Variants in GALNT10 observed in about 807,000 individuals in gnomAD.
The protein encoded by GALNT10 is GalNAc transferase 10.
In GALNT10, 41 loss-of-function variants were observed where a neutral mutation model predicts 75.0. The observed-to-expected ratio is 0.55, with a 90% confidence interval of 0.43 to 0.71. GALNT10 has a LOEUF of 0.71. GALNT10 is among the 30% of genes least tolerant of loss of function. The pLI is 0.00. For synonymous variants in GALNT10, 302 were observed against 313.0 expected, an observed-to-expected ratio of 0.96 and a Z score of 0.37; for missense variants, 727 against 818.5, an observed-to-expected ratio of 0.89 and a Z score of 1.36.
intron 1 of GALNT10, among the ~76,000 whole-genome samples, chr5:154,275,808 T>C (rs1368253256): frequency 6.6e-6 from 1 of 152,164 alleles, no homozygotes; most frequent in South Asian, 2.1e-4. Flanking sequence ...ACTTTTATGA[T>C]CTAGTCATGT....
chr5:154,407,442 T>C (rs1756304386), intron 8 of GALNT10, among the ~76,000 whole-genome samples: 1 of 152,212 alleles, frequency 6.6e-6, no homozygotes, highest in Non-Finnish European at 1.5e-5. Context: ...AATTATGCAA[T>C]ATTAATTAAA....
At chr5:154,283,759 C>T (rs1044612944) in intron 1 of GALNT10, among the ~76,000 whole-genome samples, 3 of 152,196 alleles carry the variant, frequency 2.0e-5, no homozygotes, top group African/African-American at 7.2e-5. Flanking sequence ...CTTGGGGGAC[C>T]TTTGCAAGCA....
chr5:154,331,004 A>C (rs1464504719), intron 4 of GALNT10, among the ~76,000 whole-genome samples: 1 of 151,892 alleles, frequency 6.6e-6, no homozygotes, highest in African/African-American at 2.4e-5. Context: ...AACTCTTGAC[A>C]TACACTCATT....
Position 154,294,863 on chromosome 5 carries a change from G to GA in GALNT10, c.209dup (p.Leu71AlafsTer6). ...AAACGTTTTTCTTGGGAGATGGGCA[G>GA]AAGCTGAAGGACTGGCATGACAAGG... On this transcript the variant is annotated frameshift_variant, in exon 2 of 12. Coordinates refer to ENST00000297107, the MANE Select transcript of GALNT10 (RefSeq NM_198321.4). LOFTEE classifies it high-confidence loss of function. The GA allele has an allele frequency of 6.2e-7, 1 of 1,608,082 alleles. No individual in the cohort carries two copies. The highest frequency in any genetic ancestry group is 8.5e-7 in the Non-Finnish European group (1 of 1,174,494).
At chr5:154,206,677 G>A (rs565226081) in intron 1 of GALNT10, among the ~76,000 whole-genome samples, 14 of 152,334 alleles carry the variant, frequency 9.2e-5, no homozygotes, top group African/African-American at 3.4e-4. Context: ...GGCAGGAAGC[G>A]GGGAGCCTCT....
At chr5:154,207,700 G>A (rs1775132656) in intron 1 of GALNT10, among the ~76,000 whole-genome samples, 1 of 152,180 alleles carries the variant, frequency 6.6e-6, no homozygotes, top group African/African-American at 2.4e-5. Context: ...GGTGGGTAGT[G>A]AAGGGATTCC....
At chr5:154,338,012 A>G in intron 4 of GALNT10, 7 of 1,544,084 alleles carry the variant, frequency 4.5e-6, no homozygotes, top group Non-Finnish European at 6.2e-6. Flanking sequence ...CACTGCCTCG[A>G]TCAGTCATGA....
chr5:154,314,648 AAACCAGCTCCC>A (rs1034588856), intron 3 of GALNT10, among the ~76,000 whole-genome samples: 6 of 151,924 alleles, frequency 3.9e-5, no homozygotes, highest in African/African-American at 1.4e-4. Flanking sequence ...CACAACATAC[AAACCAGCTCCC>A]AACCAGCTCC....
At chr5:154,333,754 C>G (rs1581978623) in intron 4 of GALNT10, among the ~76,000 whole-genome samples, 1 of 152,260 alleles carries the variant, frequency 6.6e-6, no homozygotes, top group East Asian at 1.9e-4. Context: ...ACCGAGGCCC[C>G]CTGATCACTG....
intron 5 of GALNT10, among the ~76,000 whole-genome samples, chr5:154,377,175 G>A (rs1443765493): frequency 1.3e-5 from 2 of 152,196 alleles, no homozygotes; most frequent in Non-Finnish European, 2.9e-5. Flanking sequence ...TGGGAAGACT[G>A]GAGGCTGGGT....
At chr5:154,383,998 C>T (rs1219644380) in intron 6 of GALNT10, among the ~76,000 whole-genome samples, 1 of 152,200 alleles carries the variant, frequency 6.6e-6, no homozygotes, top group East Asian at 1.9e-4. Flanking sequence ...GAAGCAAACA[C>T]ATCCTTCTTC....
chr5:154,255,127 C>A (rs1393992762), intron 1 of GALNT10, among the ~76,000 whole-genome samples: 1 of 152,028 alleles, frequency 6.6e-6, no homozygotes, highest in African/African-American at 2.4e-5. Flanking sequence ...CCCTTTATTA[C>A]CTTCTAATCA....
intron 4 of GALNT10, among the ~76,000 whole-genome samples, chr5:154,373,106 C>T (rs1022170136): frequency 6.6e-6 from 1 of 152,154 alleles, no homozygotes; most frequent in African/African-American, 2.4e-5. Flanking sequence ...CTGACACTTT[C>T]ATACTGAGCC....
At chr5:154,287,487 T>G (rs972860384) in intron 1 of GALNT10, 31 of 152,192 alleles carry the variant, frequency 2.0e-4, no homozygotes, top group African/African-American at 7.2e-4. Context: ...ACTCTGCTTC[T>G]GCAGGAATTC....
intron 1 of GALNT10, among the ~76,000 whole-genome samples, chr5:154,283,278 T>TAAAAAAAA (rs59422213): frequency 1.3e-5 from 1 of 79,514 alleles, no homozygotes; most frequent in African/African-American, 5.1e-5. Flanking sequence ...ACCTCGTCTG[T>TAAAAAAAA]AAAAAAAAAA....
intron 7 of GALNT10, 83 bp downstream of exon 7, chr5:154,386,513 C>G (rs780322931): frequency 3.6e-6 from 3 of 843,584 alleles, no homozygotes; most frequent in Non-Finnish European, 6.0e-6. Flanking sequence ...TCTGCCTGAG[C>G]TTGGAAAGAC....
intron 3 of GALNT10, among the ~76,000 whole-genome samples, chr5:154,315,429 C>G (rs1281481007): frequency 6.6e-6 from 1 of 152,252 alleles, no homozygotes; most frequent in Non-Finnish European, 1.5e-5. Context: ...CCTCCAGGTT[C>G]TCTTATGATC....
At chr5:154,268,906 G>C (rs1239287226) in intron 1 of GALNT10, among the ~76,000 whole-genome samples, 1 of 152,122 alleles carries the variant, frequency 6.6e-6, no homozygotes, top group African/African-American at 2.4e-5. Flanking sequence ...GGAGGCCAAG[G>C]CGAAAGGATT....
chr5:154,373,378 C>A (rs1755604439), intron 4 of GALNT10, among the ~76,000 whole-genome samples: 1 of 152,176 alleles, frequency 6.6e-6, no homozygotes, highest in Non-Finnish European at 1.5e-5. Flanking sequence ...TAAAGCGAGG[C>A]AGACATGAAG....
Sources: allele counts gnomAD v4.1 joint callset (sites outside exome capture counted in the v4.1 genomes callset), GRCh38; gene constraint gnomAD v4.1.1; transcripts MANE v1.5; gene names NCBI Gene and HGNC (gene_info 2026-07-23, HGNC 2026-07-21).